HBS1L: variants seen among roughly 807,000 people sequenced by gnomAD.
The protein encoded by HBS1L is HBS1 like translational GTPase.
In HBS1L, 55 loss-of-function variants were observed where a neutral mutation model predicts 88.9. The ratio of observed to expected loss-of-function variants is 0.62; its 90% CI spans 0.50 to 0.77. The LOEUF (loss-of-function observed/expected upper bound fraction) is 0.77. HBS1L is among the 30% of genes least tolerant of loss of function. The pLI is 0.00. For synonymous variants in HBS1L, 267 were observed against 288.5 expected, an observed-to-expected ratio of 0.93 and a Z score of 0.76; for missense variants, 741 against 829.3, an observed-to-expected ratio of 0.89 and a Z score of 1.31.
At chr6:135,027,672 TACATGGCAA>T (rs1776273135) in intron 4 of HBS1L, among the ~76,000 whole-genome samples, 1 of 152,220 alleles carries the variant, frequency 6.6e-6, no homozygotes, top group South Asian at 2.1e-4. Flanking sequence ...ATCTGAAATT[TACATGGCAA>T]AATGTTAGCT....
chr6:135,047,889 G>A (rs1052529535), intron 2 of HBS1L, among the ~76,000 whole-genome samples: 10 of 152,090 alleles, frequency 6.6e-5, no homozygotes, highest in African/African-American at 2.4e-4. Context: ...TGAATTATAG[G>A]AGCCCCAAAG....
At chr6:135,026,904 T>C (rs1033032754) in intron 4 of HBS1L, 8 of 149,404 alleles carry the variant, frequency 5.4e-5, no homozygotes, top group African/African-American at 1.7e-4. Context: ...ATAAGAATAA[T>C]GAACAGGCCG....
intron 3 of HBS1L, among the ~76,000 whole-genome samples, chr6:135,041,419 A>G (rs1431834720): frequency 1.3e-5 from 2 of 151,624 alleles, no homozygotes; most frequent in Admixed American, 1.3e-4. Flanking sequence ...AAGAAAGCTA[A>G]AATATAAATA....
chr6:135,020,801 CA>C (rs1193922354), intron 4 of HBS1L, among the ~76,000 whole-genome samples: 3 of 151,778 alleles, frequency 2.0e-5, no homozygotes, highest in Admixed American at 2.0e-4. Flanking sequence ...AATAACCAGA[CA>C]GCTAGACAAT....
chr6:135,021,912 C>T (rs1302157378), intron 4 of HBS1L, among the ~76,000 whole-genome samples: 3 of 152,126 alleles, frequency 2.0e-5, no homozygotes, highest in Admixed American at 6.6e-5. Context: ...TCCTATCCCC[C>T]CTTGAGAGGT....
At chr6:134,997,776 CT>C (rs1775334730) in intron 5 of HBS1L, 120 bp from the exon 6 acceptor site, 1 of 915,700 alleles carries the variant, frequency 1.1e-6, no homozygotes, top group Admixed American at 2.0e-5. Flanking sequence ...GAAATAATCT[CT>C]GCTAAGTAGC....
intron 4 of HBS1L, among the ~76,000 whole-genome samples, chr6:135,010,211 C>G (rs754844912): frequency 5.9e-5 from 9 of 152,120 alleles, no homozygotes; most frequent in Non-Finnish European, 1.3e-4. Flanking sequence ...ATCCAAGGCT[C>G]GGCCACCAGA....
chr6:135,033,866 C>T (rs1776456777), intron 4 of HBS1L, among the ~76,000 whole-genome samples: 1 of 152,188 alleles, frequency 6.6e-6, no homozygotes, highest in Non-Finnish European at 1.5e-5. Flanking sequence ...TCATCAGTTA[C>T]AAACTCTTAT....
intron 11 of HBS1L, among the ~76,000 whole-genome samples, chr6:134,985,633 C>T (rs771556928): frequency 6.6e-6 from 1 of 151,918 alleles, no homozygotes; most frequent in Non-Finnish European, 1.5e-5. Flanking sequence ...TGATATAATG[C>T]TCAAAGGAAA....
intron 1 of HBS1L, among the ~76,000 whole-genome samples, chr6:135,053,762 C>T (rs1777158659): frequency 6.6e-6 from 1 of 152,202 alleles, no homozygotes; most frequent in Non-Finnish European, 1.5e-5. Context: ...GTTCTTTATT[C>T]TTCTCCTGCA....
chr6:135,009,592 C>T (rs893111717), intron 4 of HBS1L, among the ~76,000 whole-genome samples: 2 of 152,014 alleles, frequency 1.3e-5, no homozygotes, highest in Non-Finnish European at 2.9e-5. Flanking sequence ...CATGGACTCC[C>T]TTTCTCATTT....
At chr6:135,046,886 G>A (rs1435811669) in intron 2 of HBS1L, among the ~76,000 whole-genome samples, 2 of 152,094 alleles carry the variant, frequency 1.3e-5, no homozygotes, top group Non-Finnish European at 2.9e-5. Context: ...AAATTACTTG[G>A]AAAATATACC....
At chr6:135,040,542 G>T (rs1175250992) in intron 3 of HBS1L, among the ~76,000 whole-genome samples, 1 of 151,656 alleles carries the variant, frequency 6.6e-6, no homozygotes, top group Non-Finnish European at 1.5e-5. Context: ...AGTAGAGATG[G>T]GTTTCACCAT....
chr6:135,017,997 A>AAC (rs1562298983), intron 4 of HBS1L, among the ~76,000 whole-genome samples: 5 of 150,596 alleles, frequency 3.3e-5, no homozygotes, highest in African/African-American at 9.9e-5. Flanking sequence ...ACAAACAAAA[A>AAC]AAAAAAACAG....
At chr6:134,976,934 G>A (rs1009397423) in intron 15 of HBS1L, among the ~76,000 whole-genome samples, 1 of 151,712 alleles carries the variant, frequency 6.6e-6, no homozygotes, top group Non-Finnish European at 1.5e-5. Flanking sequence ...AAAAAACAAA[G>A]GAAAAAATTA....
intron 5 of HBS1L, among the ~76,000 whole-genome samples, chr6:135,000,432 T>C (rs188621211): frequency 6.6e-6 from 1 of 152,086 alleles, no homozygotes; most frequent in East Asian, 1.9e-4. Context: ...AAGTAAACTA[T>C]ACATGAATCT....
chr6:135,046,377 T>C (rs1321179138), intron 2 of HBS1L, among the ~76,000 whole-genome samples: 2 of 151,658 alleles, frequency 1.3e-5, no homozygotes, highest in East Asian at 1.9e-4. Context: ...AAAAAGAATA[T>C]ACAATAAAGG....
At chr6:135,024,820 T>C (rs1776181481) in intron 4 of HBS1L, among the ~76,000 whole-genome samples, 1 of 152,110 alleles carries the variant, frequency 6.6e-6, no homozygotes, top group Non-Finnish European at 1.5e-5. Flanking sequence ...TAATTTTATG[T>C]AAATACTAAG....
chr6:134,997,529 G>C lies in HBS1L; in HGVS notation c.667C>G (p.Gln223Glu). Residue 223 changes from glutamine (Q) to glutamate (E), a missense_variant, in exon 6 of 18, where the codon CAA (glutamine) becomes GAA (glutamate). Around this residue, in one of 3 missense-constraint regions of HBS1L, gnomAD observed 556 missense variants for 598.4 expected, o/e 0.93. Coordinates refer to ENST00000367837, the MANE Select transcript of HBS1L (RefSeq NM_006620.4). ...SKSANPPHTIQASEEQSSTPA... is the reference protein window; with the variant it reads ...SKSANPPHTIEASEEQSSTPA... The stretch of plus-strand genomic sequence containing the variant: ...GTTGAACTCTGCTCTTCTGATGCTT[G>C]AATCGTGTGGGGTGGATTAGCAGAT... 3.1e-6 allele frequency: 5 copies of C among 1,614,064 alleles called. No individual in the cohort carries two copies. Among genetic ancestry groups the C allele is most frequent in the Non-Finnish European group, 4.2e-6 (5 of 1,179,998 alleles).
Sources: gnomAD v4.1 joint callset for allele counts (sites outside exome capture counted in the v4.1 genomes callset) on GRCh38, gnomAD v4.1.1 for gene constraint, gnomAD v4.1.1 regional missense constraint, MANE v1.5 for transcripts, NCBI Gene and HGNC (gene_info 2026-07-23, HGNC 2026-07-21) for gene names.